FRMPD3: variants seen among roughly 807,000 people sequenced by gnomAD.
FRMPD3 encodes FERM and PDZ domain-containing protein 3.
A neutral mutation model predicts 97.9 loss-of-function variants in FRMPD3; 42 were observed. The observed-to-expected ratio is 0.43, with a 90% CI of 0.34 to 0.55. The LOEUF is 0.55. FRMPD3 is among the 20% of genes least tolerant of loss of function. FRMPD3 has a pLI of 0.03. For synonymous variants in FRMPD3, 577 were observed against 581.1 expected, an observed-to-expected ratio of 0.99 and a Z score of 0.10; for missense variants, 1,303 against 1,457.7, an observed-to-expected ratio of 0.89 and a Z score of 1.73.
intron 1 of FRMPD3, among the ~76,000 whole-genome samples, chrX:107,450,695 C>G (rs1200414513): frequency 9.1e-6 from 1 of 110,221 alleles, no homozygotes; most frequent in East Asian, 2.9e-4. Context: ...GCACCTCCCC[C>G]TAGCGCTGCT....
chrX:107,602,804 G>A lies in FRMPD3; in HGVS notation c.4765G>A (p.Asp1589Asn), dbSNP rs1418489386. ...GCGGGCCCATGCCTATGGCCTCCCT[G>A]ATGGCTTCCTGGCTGCCCGGCTGGA... is the stretch of plus-strand genomic sequence containing the variant. ...ALRAHAYGLPDGFLAARLDTN... is the reference protein window; with the variant it reads ...ALRAHAYGLPNGFLAARLDTN... The change falls in exon 15 of 15, where the codon GAT (aspartate) becomes AAT (asparagine). Residue 1589 changes from aspartate to asparagine, a missense_variant. Coordinates refer to ENST00000683843, the MANE Select transcript of FRMPD3 (RefSeq NM_001388459.1). 4.1e-6 allele frequency: 5 copies of A among 1,209,077 alleles called. No individual in the cohort carries two copies. Among genetic ancestry groups the A allele is most frequent in the African/African-American group, 3.5e-5 (2 of 57,663 alleles).
At chrX:107,565,702 AAAAAT>A (rs1922573672) in intron 12 of FRMPD3, among the ~76,000 whole-genome samples, 1 of 110,660 alleles carries the variant, frequency 9.0e-6, no homozygotes, top group African/African-American at 3.3e-5. Flanking sequence ...CTCAAAAAAA[AAAAAT>A]AAAATAAATA....
intron 9 of FRMPD3, 125 bp downstream of exon 9, chrX:107,560,518 C>T: frequency 1.0e-6 from 1 of 957,828 alleles, no homozygotes; most frequent in South Asian, 2.4e-5. Context: ...AATTGGAGTC[C>T]CTCATATCTA....
At chrX:107,534,022 G>A (rs1280498454) in intron 4 of FRMPD3, among the ~76,000 whole-genome samples, 2 of 112,011 alleles carry the variant, frequency 1.8e-5, no homozygotes, top group Non-Finnish European at 3.8e-5. Context: ...ATTCATTTTT[G>A]TCCTGGTACA....
In FRMPD3 at chrX:107,597,934, C is replaced by T. The variant is rs1924283743; in HGVS notation, c.2055C>T (p.Arg685=). The change falls in exon 14 of 15, where the codon CGC becomes CGT. Residue 685 remains arginine (R), a synonymous_variant. Transcript: ENST00000683843. ...DNSSDEDDPK[R]RAVQSQEQGR... The stretch of plus-strand genomic sequence containing the variant: ...GCTCTGATGAGGATGACCCCAAGCG[C>T]CGGGCTGTCCAGAGCCAGGAACAAG... 1.7e-6 allele frequency: 2 copies of T among 1,208,831 alleles called. No individual in the cohort carries two copies. Among genetic ancestry groups the T allele is most frequent in the African/African-American group, 1.8e-5 (1 of 57,085 alleles).
chrX:107,451,613 CG>C (rs930739666), intron 1 of FRMPD3, among the ~76,000 whole-genome samples: 9 of 112,556 alleles, frequency 8.0e-5, no homozygotes, highest in Non-Finnish European at 1.7e-4. Context: ...TTGCTCTACC[CG>C]GGGAGACCTC....
At chrX:107,454,498 T>G (rs1387506576) in intron 1 of FRMPD3, among the ~76,000 whole-genome samples, 1 of 111,568 alleles carries the variant, frequency 9.0e-6, no homozygotes, top group African/African-American at 3.3e-5. Context: ...ATAAGGCTTC[T>G]TGTCTCCCAG....
In FRMPD3 at chrX:107,552,808, C is replaced by T. The variant is rs1322522959; in HGVS notation, c.524C>T (p.Thr175Ile). 1 of 1,208,402 alleles carries T rather than the reference C, an allele frequency of 8.3e-7. No homozygotes were observed. The highest frequency in any genetic ancestry group is 1.7e-5 in the African/African-American group (1 of 57,368). ...TCTGTCCCACAGGATGTGATGTTGA[C>T]ATTACAGGACCGCCTTTCCCTGAGG... The part of the protein sequence containing the change: ...GRTTVKDVML[T>I]LQDRLSLRFI... The change falls in exon 7 of 15, where the codon ACA (threonine) becomes ATA (isoleucine). Residue 175 changes from threonine to isoleucine, a missense_variant. Thr to Ile is a moderately conservative substitution (Grantham distance 89). Coordinates refer to ENST00000683843, the MANE Select transcript of FRMPD3 (RefSeq NM_001388459.1).
Position 107,597,950 on chromosome X carries a change from C to T in FRMPD3, c.2071C>T (p.Gln691Ter). ...CCCCAAGCGCCGGGCTGTCCAGAGC[C>T]AGGAACAAGGACGCCACCTGCGTGG... ...DDPKRRAVQS[Q>*]EQGRHLRGLL... Residue 691 changes from glutamine to a stop codon, truncating the protein, a stop_gained, in exon 14 of 15, where the codon CAG (glutamine) becomes TAG (stop). Coordinates refer to ENST00000683843, the MANE Select transcript of FRMPD3 (RefSeq NM_001388459.1). LOFTEE classifies it high-confidence loss of function. 1.7e-6 allele frequency: 2 copies of T among 1,210,832 alleles called. No homozygotes were observed. Among genetic ancestry groups the T allele is most frequent in the Non-Finnish European group, 2.2e-6 (2 of 895,439 alleles).
chrX:107,516,903 G>T (rs899213568), intron 1 of FRMPD3, among the ~76,000 whole-genome samples: 6 of 111,291 alleles, frequency 5.4e-5, no homozygotes, highest in African/African-American at 2.0e-4. Context: ...TGTCAATTTT[G>T]GCTTTTGTTG....
At chrX:107,593,818 C>G (rs1236471269) in intron 13 of FRMPD3, among the ~76,000 whole-genome samples, 2 of 111,916 alleles carry the variant, frequency 1.8e-5, no homozygotes, top group Non-Finnish European at 3.8e-5. Flanking sequence ...TGTGATGCCT[C>G]CAGATTTGTT....
chrX:107,599,025 C>A (rs1019931064), intron 14 of FRMPD3, among the ~76,000 whole-genome samples: 1 of 111,649 alleles, frequency 9.0e-6, no homozygotes, highest in African/African-American at 3.3e-5. Flanking sequence ...GTAATCCCAG[C>A]ACTTTTGGAG....
At chrX:107,557,694 T>G (rs1569422231) in intron 8 of FRMPD3, among the ~76,000 whole-genome samples, 1 of 89,649 alleles carries the variant, frequency 1.1e-5, no homozygotes, top group Non-Finnish European at 2.1e-5. Flanking sequence ...TGTGTGTGTG[T>G]TTTTTTTTGC....
chrX:107,552,694 A>T (rs1266003951), intron 6 of FRMPD3, 101 bp from the exon 7 acceptor site: 1 of 936,152 alleles, frequency 1.1e-6, no homozygotes, highest in Non-Finnish European at 1.5e-6. Flanking sequence ...CCAGGACTAT[A>T]TTTCTTTTCT....
chrX:107,589,692 C>T (rs1276903438), intron 13 of FRMPD3, among the ~76,000 whole-genome samples: 4 of 111,828 alleles, frequency 3.6e-5, no homozygotes, highest in Non-Finnish European at 7.5e-5. Context: ...AAATTCATAA[C>T]TAGTTAAAAG....
intron 1 of FRMPD3, among the ~76,000 whole-genome samples, chrX:107,516,650 G>GTT (rs1922340922): frequency 9.0e-6 from 1 of 111,248 alleles, no homozygotes; most frequent in Non-Finnish European, 1.9e-5. Context: ...TTTTTCATGT[G>GTT]TTTTTTGGCT....
chrX:107,542,700 G>T lies in FRMPD3; in HGVS notation c.298-3037G>T, dbSNP rs143289131. On this transcript the variant is annotated intron_variant, in intron 4 of 14. Coordinates refer to ENST00000683843, the MANE Select transcript of FRMPD3 (RefSeq NM_001388459.1). ...CGTTTGTTTCTGATGTGTATCTTAG[G>T]GCCCTGCCCTCCTGTGGCTGATTGG... 7.0e-3 allele frequency among the ~76,000 whole-genome samples: 784 copies of T among 112,488 alleles called. 8 individuals are homozygous for T. The highest frequency in any genetic ancestry group is 0.024 in the African/African-American group (729 of 30,960).
At chrX:107,579,768 G>A (rs1923297945) in intron 13 of FRMPD3, among the ~76,000 whole-genome samples, 1 of 110,973 alleles carries the variant, frequency 9.0e-6, no homozygotes, top group African/African-American at 3.3e-5. Flanking sequence ...GTATCCTGGG[G>A]TAATCCAGGA....
chrX:107,535,298 A>G (rs779439781), intron 4 of FRMPD3, among the ~76,000 whole-genome samples: 15 of 112,030 alleles, frequency 1.3e-4, no homozygotes, highest in African/African-American at 4.9e-4. Flanking sequence ...ATTGTAGATC[A>G]CAAGAAGTTG....
Sources: allele counts gnomAD v4.1 joint callset (sites outside exome capture counted in the v4.1 genomes callset), GRCh38; gene constraint gnomAD v4.1.1; transcripts MANE v1.5; gene names NCBI Gene and HGNC (gene_info 2026-07-23, HGNC 2026-07-21).